PPL: variants seen among roughly 807,000 people sequenced by gnomAD.
The protein encoded by PPL is periplakin.
Under a neutral mutation model 194.4 loss-of-function variants are expected in PPL, and 198 were observed. The ratio of observed to expected loss-of-function variants is 1.02; its 90% CI spans 0.91 to 1.15. PPL has a LOEUF of 1.15. PPL is among the 50% of genes most tolerant of loss of function. The pLI is 0.00. For missense variants in PPL, 2,885 were observed against 2,294.8 expected, an observed-to-expected ratio of 1.26 and a Z score of -5.25; for synonymous variants, 1,220 against 972.4, an observed-to-expected ratio of 1.25 and a Z score of -4.74.
chr16:4,916,372 C>T (rs577964726), intron 1 of PPL, among the ~76,000 whole-genome samples: 55 of 152,218 alleles, frequency 3.6e-4, no homozygotes, highest in African/African-American at 1.1e-3. Flanking sequence ...CCACCACACC[C>T]GGCTAACTTT....
In PPL at chr16:4,883,850, G is replaced by T; in HGVS notation, c.4805C>A (p.Ala1602Glu). Residue 1602 changes from alanine to glutamate, a missense_variant, in exon 22 of 22, where the codon GCG (alanine) becomes GAG (glutamate). Transcript: ENST00000345988. The surrounding 1 kb of genome is among the most constrained non-coding windows in gnomAD (Gnocchi z 4.8). ...ETRDLRNMTV[A>E]DSGTNHDSRL... ...GGAGTCATGGTTGGTCCCAGAGTCC[G>T]CCACGGTCATGTTCCGCAGGTCTCG... is the stretch of plus-strand genomic sequence containing the variant. 6.2e-7 allele frequency: 1 copy of T among 1,614,000 alleles called. No homozygotes were observed. The highest frequency in any genetic ancestry group is 8.5e-7 in the Non-Finnish European group (1 of 1,180,032).
intron 1 of PPL, among the ~76,000 whole-genome samples, chr16:4,917,063 C>T (rs576301114): frequency 2.0e-5 from 3 of 152,022 alleles, no homozygotes; most frequent in East Asian, 1.9e-4. Flanking sequence ...ACCTGGGAGG[C>T]GGAGGTTGCA....
intron 1 of PPL, among the ~76,000 whole-genome samples, chr16:4,912,500 G>A (rs1337649889): frequency 6.6e-6 from 1 of 152,214 alleles, no homozygotes; most frequent in Non-Finnish European, 1.5e-5. Context: ...TGAGAATCAC[G>A]CTGCTATGAA....
chr16:4,920,139 C>G (rs1457074744), intron 1 of PPL, among the ~76,000 whole-genome samples: 1 of 151,624 alleles, frequency 6.6e-6, no homozygotes, highest in African/African-American at 2.4e-5. Context: ...AAAAAATTAG[C>G]TGGGCATGGT....
chr16:4,899,107 C>T lies in PPL; in HGVS notation c.782G>A (p.Arg261Gln), dbSNP rs191174209. The T allele has an allele frequency of 6.3e-5, 101 of 1,613,838 alleles. No homozygotes were observed. Among genetic ancestry groups the T allele is most frequent in the Admixed American group, 1.8e-4 (11 of 60,012 alleles). The part of the protein sequence containing the change: ...RRRQYENFIN[R>Q]NLEAKEERIN... ...TCTCTCCTCTTTGGCCTCCAGGTTC[C>T]GGTTGATGAAATTCTGCAGTGGGGG... Residue 261 changes from arginine (R) to glutamine (Q), a missense_variant, in exon 8 of 22, where the codon CGG (arginine) becomes CAG (glutamine). Coordinates refer to ENST00000345988, the MANE Select transcript of PPL (RefSeq NM_002705.5).
chr16:4,933,841 A>T (rs2089256884), intron 1 of PPL, among the ~76,000 whole-genome samples: 1 of 152,336 alleles, frequency 6.6e-6, no homozygotes, highest in East Asian at 1.9e-4. Context: ...CCTGTCCACC[A>T]TGATATCAAG....
At position 4,920,345 on chromosome 16, in the gene PPL, G is replaced by GAGAA. The variant is rs1049654889; in HGVS notation, c.63-9400_63-9397dup. Among the ~76,000 whole-genome samples, 135 of 25,160 alleles carry GAGAA rather than the reference G, an allele frequency of 5.4e-3. 5 individuals are homozygous for GAGAA. Among genetic ancestry groups the GAGAA allele is most frequent in the African/African-American group, 8.3e-3 (127 of 15,278 alleles). 16.5% of individuals were successfully genotyped at this position (25,160 alleles called of 152,430 possible). On this transcript the variant is annotated intron_variant, in intron 1 of 21. Coordinates refer to ENST00000345988, the MANE Select transcript of PPL (RefSeq NM_002705.5). ...AAAGAAAGAAAGAAAGAGAGAGAGA[G>GAGAA]AGAAAGAAAGAAAGAAAGAAAGAAA... is the stretch of plus-strand genomic sequence containing the variant.
In PPL at chr16:4,887,194, A is replaced by T. The variant is rs751940401; in HGVS notation, c.2548T>A (p.Tyr850Asn). ...TGCAGCCTCTGTCTGTTGATGGCAT[A>T]AACTTCAGTGAACTTGGCGGCAAGT... ...AALAAKFTEV[Y>N]AINRQRLQNL... Residue 850 changes from tyrosine to asparagine, a missense_variant, in exon 21 of 22, where the codon TAT becomes AAT. By Grantham distance (143) the Tyr-to-Asn change is moderately radical. Coordinates refer to ENST00000345988, the MANE Select transcript of PPL (RefSeq NM_002705.5). 1 of 1,614,178 alleles carries T rather than the reference A, an allele frequency of 6.2e-7. No homozygotes were observed. Among genetic ancestry groups the T allele is most frequent in the South Asian group, 1.1e-5 (1 of 91,086 alleles).
chr16:4,926,999 T>G (rs1157414084), intron 1 of PPL, among the ~76,000 whole-genome samples: 1 of 151,226 alleles, frequency 6.6e-6, no homozygotes, highest in East Asian at 2.0e-4. Context: ...GAAAATATAC[T>G]CAATCCAGTA....
Position 4,904,043 on chromosome 16 carries a change from G to C in PPL, c.163-3C>G, listed in dbSNP as rs759128965. On this transcript the variant is annotated splice_polypyrimidine_tract_variant and splice_region_variant and intron_variant, in intron 2 of 21. Coordinates refer to ENST00000345988, the MANE Select transcript of PPL (RefSeq NM_002705.5). ...CCCTCCTGCAGCCGAGCCAGGTCCTGTGAGGGTCACAAGAGAGGGGACAAT... is the reference window on the plus strand; with the variant it reads ...CCCTCCTGCAGCCGAGCCAGGTCCTCTGAGGGTCACAAGAGAGGGGACAAT... 1.2e-6 allele frequency: 2 copies of C among 1,610,484 alleles called. No individual in the cohort carries two copies. The highest frequency in any genetic ancestry group is 2.7e-5 in the African/African-American group (2 of 74,896).
chr16:4,883,027 A>C lies in PPL; in HGVS notation c.*357T>G. 3.6e-6 allele frequency: 1 copy of C among 275,196 alleles called. No individual in the cohort carries two copies. Among genetic ancestry groups the C allele is most frequent in the South Asian group, 3.7e-5 (1 of 26,762 alleles). 17.0% of individuals were successfully genotyped at this position (275,196 alleles called of 1,614,324 possible). A position where few individuals can be genotyped will look rare whatever the true frequency, so the allele number is the denominator to read the frequency against. Reference sequence around the variant, plus strand: ...TGCCACCAGTACCCATGCTGCAAGGAGTGGGCTTGGCTGCTGTGGTTGGCT... The same window carrying C: ...TGCCACCAGTACCCATGCTGCAAGGCGTGGGCTTGGCTGCTGTGGTTGGCT... On this transcript the variant is annotated 3_prime_UTR_variant, in exon 22 of 22. Transcript: ENST00000345988. This position sits in a 1 kb window ranked among gnomAD's most constrained non-coding sequence, Gnocchi z 4.8.
chr16:4,901,907 T>C (rs1257907860), intron 4 of PPL, among the ~76,000 whole-genome samples: 1 of 151,904 alleles, frequency 6.6e-6, no homozygotes, highest in Non-Finnish European at 1.5e-5. Flanking sequence ...GCCACTGCAC[T>C]CTAGTCTGCG....
At chr16:4,903,065 C>T (rs2088609450) in intron 3 of PPL, among the ~76,000 whole-genome samples, 1 of 152,218 alleles carries the variant, frequency 6.6e-6, no homozygotes, top group Non-Finnish European at 1.5e-5. Flanking sequence ...ATAGAAAGTT[C>T]TGGAATAAGC....
In PPL at chr16:4,920,013, C is replaced by T. The variant is rs551198036; in HGVS notation, c.63-9064G>A. Among the ~76,000 whole-genome samples, 5 of 151,966 alleles carry T rather than the reference C, an allele frequency of 3.3e-5. No homozygotes were observed. In the East Asian group the frequency reaches 7.8e-4, roughly 24 times the overall value. ...AGAAACACCTCAGTCAGGCCAGGCACGGTGGCTCACGCCTGTAATCCTAGC... is the reference window on the plus strand; with the variant it reads ...AGAAACACCTCAGTCAGGCCAGGCATGGTGGCTCACGCCTGTAATCCTAGC... On this transcript the variant is annotated intron_variant, in intron 1 of 21. Transcript: ENST00000345988.
intron 8 of PPL, among the ~76,000 whole-genome samples, chr16:4,898,744 A>C (rs925359831): frequency 1.6e-4 from 25 of 152,212 alleles, no homozygotes; most frequent in Middle Eastern, 3.2e-3. Context: ...AAAGCCACTA[A>C]GTTTGTTTTA....
chr16:4,915,027 C>A (rs2088892064), intron 1 of PPL, among the ~76,000 whole-genome samples: 1 of 152,236 alleles, frequency 6.6e-6, no homozygotes, highest in Non-Finnish European at 1.5e-5. Flanking sequence ...TCGTTAGGGT[C>A]TGTACTGTGG....
At chr16:4,909,735 C>T (rs1384245258) in intron 2 of PPL, among the ~76,000 whole-genome samples, 2 of 152,196 alleles carry the variant, frequency 1.3e-5, no homozygotes, top group African/African-American at 2.4e-5. Context: ...CTGGCCTGGT[C>T]CCACTTCTTA....
chr16:4,893,956 GAA>G (rs1408733916), intron 12 of PPL: 2 of 406,376 alleles, frequency 4.9e-6, no homozygotes, highest in Non-Finnish European at 8.8e-6. Context: ...GGCATTCCTT[GAA>G]TGATCCACTC....
In PPL at chr16:4,891,927, C is replaced by T. The variant is rs2088326607; in HGVS notation, c.1852G>A (p.Glu618Lys). ...QEKVDVANRLEKSLQQSWELL... is the reference protein window; with the variant it reads ...QEKVDVANRLKKSLQQSWELL... ...TCCCAGCTCTGCTGCAGGCTCTTCTCCAGGCGGTTGGCCACATCAACCCTG... is the reference window on the plus strand; with the variant it reads ...TCCCAGCTCTGCTGCAGGCTCTTCTTCAGGCGGTTGGCCACATCAACCCTG... The change falls in exon 16 of 22, where the codon GAG becomes AAG. Residue 618 changes from glutamate to lysine, a missense_variant. Glu to Lys is a moderately conservative substitution (Grantham distance 56). Transcript: ENST00000345988. 1 of 1,613,286 alleles carries T rather than the reference C, an allele frequency of 6.2e-7. No homozygotes were observed. The highest frequency in any genetic ancestry group is 8.5e-7 in the Non-Finnish European group (1 of 1,179,922).
Sources: allele counts gnomAD v4.1 joint callset (sites outside exome capture counted in the v4.1 genomes callset), GRCh38; gene constraint gnomAD v4.1.1; non-coding constraint Gnocchi (gnomAD v3.1); transcripts MANE v1.5; gene names NCBI Gene and HGNC (gene_info 2026-07-23, HGNC 2026-07-21).